The following LTBP1 variants were observed in gnomAD, a reference collection of about 807,000 sequenced individuals.
LTBP1 encodes the protein latent transforming growth factor beta binding protein 1.
Under a neutral mutation model 207.6 loss-of-function variants are expected in LTBP1, and 129 were observed. That is an observed-to-expected ratio of 0.62 (90% CI 0.54 to 0.72). The LOEUF (loss-of-function observed/expected upper bound fraction) is 0.72. Among genes scored for constraint, LTBP1 ranks in the 30% least tolerant of loss-of-function variants. The pLI is 0.00. For missense variants in LTBP1, 2,281 were observed against 2,217.2 expected (o/e 1.03, Z -0.58); for synonymous variants, 963 against 833.7 (o/e 1.16, Z -2.67).
At chr2:33,321,405 G>A (rs944753659) in intron 24 of LTBP1, among the ~76,000 whole-genome samples, 2 of 152,192 alleles carry the variant, frequency 1.3e-5, no homozygotes, top group Non-Finnish European at 2.9e-5. Context: ...CCGAGAGAAG[G>A]TGGATTCAAA....
At chr2:33,115,095 C>T (rs2080659952) in intron 4 of LTBP1, among the ~76,000 whole-genome samples, 1 of 125,942 alleles carries the variant, frequency 7.9e-6, no homozygotes, top group African/African-American at 3.0e-5. Flanking sequence ...TATATATACA[C>T]ACATATATGT....
At chr2:33,199,285 C>A (rs1004670653) in intron 7 of LTBP1, among the ~76,000 whole-genome samples, 3 of 152,202 alleles carry the variant, frequency 2.0e-5, no homozygotes, top group African/African-American at 7.2e-5. Flanking sequence ...CATTTCTGTT[C>A]TTTTACATTT....
chr2:32,990,609 CT>C (rs1301774702), intron 2 of LTBP1, among the ~76,000 whole-genome samples: 1 of 152,094 alleles, frequency 6.6e-6, no homozygotes, highest in East Asian at 1.9e-4. Flanking sequence ...AATTTGGATG[CT>C]TTTCATATAG....
intron 7 of LTBP1, among the ~76,000 whole-genome samples, chr2:33,198,108 A>T (rs557737650): frequency 6.6e-6 from 1 of 152,316 alleles, no homozygotes; most frequent in African/African-American, 2.4e-5. Context: ...CTTAGAAAAT[A>T]TTTTAAAAAC....
chr2:32,948,540 T>C (rs1676623448), intron 1 of LTBP1, among the ~76,000 whole-genome samples: 1 of 152,228 alleles, frequency 6.6e-6, no homozygotes, highest in South Asian at 2.1e-4. Context: ...TCATTTCCAA[T>C]TTAAAATGTT....
At chr2:33,149,478 G>A (rs190807701) in intron 5 of LTBP1, among the ~76,000 whole-genome samples, 1 of 152,248 alleles carries the variant, frequency 6.6e-6, no homozygotes, top group Non-Finnish European at 1.5e-5. Context: ...TGTCACAAAT[G>A]TCTTCCTTTG....
intron 11 of LTBP1, among the ~76,000 whole-genome samples, chr2:33,253,140 A>G (rs2092729532): frequency 6.6e-6 from 1 of 152,188 alleles, no homozygotes; most frequent in Non-Finnish European, 1.5e-5. Context: ...TTAAGTGTAG[A>G]GAGACCAGAA....
At chr2:33,177,166 C>T (rs985717652) in intron 5 of LTBP1, among the ~76,000 whole-genome samples, 2 of 152,152 alleles carry the variant, frequency 1.3e-5, no homozygotes, top group African/African-American at 4.8e-5. Flanking sequence ...GTATTCTCCC[C>T]ATGGTGAGAC....
intron 7 of LTBP1, among the ~76,000 whole-genome samples, chr2:33,217,122 A>G (rs2090772255): frequency 6.6e-6 from 1 of 152,204 alleles, no homozygotes; most frequent in African/African-American, 2.4e-5. Context: ...GACCTGTGCC[A>G]TCTTCTCACA....
At chr2:33,323,743 G>T (rs1300499162) in intron 24 of LTBP1, among the ~76,000 whole-genome samples, 1 of 152,242 alleles carries the variant, frequency 6.6e-6, no homozygotes, top group East Asian at 1.9e-4. Flanking sequence ...GGAAGGGACA[G>T]TCTGTAGCTC....
intron 20 of LTBP1, 109 bp downstream of exon 20, chr2:33,293,391 G>C (rs990492217): frequency 4.8e-6 from 5 of 1,051,608 alleles, no homozygotes; most frequent in African/African-American, 1.7e-5. Context: ...TATTTTGACC[G>C]AGCGACTTAG....
intron 26 of LTBP1, among the ~76,000 whole-genome samples, chr2:33,355,009 A>T (rs1264110033): frequency 1.3e-5 from 2 of 152,166 alleles, no homozygotes; most frequent in African/African-American, 4.8e-5. Context: ...GTTGCATTAG[A>T]AATGCATTTT....
At chr2:32,977,176 G>T (rs533556721) in intron 2 of LTBP1, among the ~76,000 whole-genome samples, 4 of 152,360 alleles carry the variant, frequency 2.6e-5, no homozygotes, top group African/African-American at 9.6e-5. Context: ...TTGGGGGTGG[G>T]TGGAGTGGCC....
At chr2:33,325,138 C>T (rs1266492177) in intron 24 of LTBP1, among the ~76,000 whole-genome samples, 4 of 152,128 alleles carry the variant, frequency 2.6e-5, no homozygotes, top group Admixed American at 6.6e-5. Context: ...CATTCACCCA[C>T]AAAGTAGTTC....
intron 4 of LTBP1, among the ~76,000 whole-genome samples, chr2:33,113,410 G>A (rs1246371579): frequency 6.6e-6 from 1 of 152,116 alleles, no homozygotes; most frequent in Non-Finnish European, 1.5e-5. Context: ...GAGGATGGAG[G>A]TGATGGATTT....
At chr2:33,315,309 AAG>A in intron 24 of LTBP1, 40 bp downstream of exon 24, 1 of 1,606,974 alleles carries the variant, frequency 6.2e-7, no homozygotes, top group Non-Finnish European at 8.5e-7. Context: ...TGTGTGATAA[AAG>A]AGAGAGGAGA....
chr2:32,967,036 A>G (rs1050919152), intron 2 of LTBP1, among the ~76,000 whole-genome samples: 1 of 151,970 alleles, frequency 6.6e-6, no homozygotes, highest in South Asian at 2.1e-4. Flanking sequence ...TATTGATTCA[A>G]TTTCTCGGTT....
chr2:32,964,705 T>C (rs1253224188), intron 2 of LTBP1, among the ~76,000 whole-genome samples: 1 of 152,036 alleles, frequency 6.6e-6, no homozygotes, highest in Non-Finnish European at 1.5e-5. Flanking sequence ...AAATACTAAG[T>C]AAATCAAAAA....
At chr2:33,159,764 T>C (rs2084295424) in intron 5 of LTBP1, among the ~76,000 whole-genome samples, 1 of 152,252 alleles carries the variant, frequency 6.6e-6, no homozygotes, top group African/African-American at 2.4e-5. Flanking sequence ...GAGTACCTTC[T>C]GTGTACTCAA....
Sources: gnomAD v4.1 joint callset for allele counts (sites outside exome capture counted in the v4.1 genomes callset) on GRCh38, gnomAD v4.1.1 for gene constraint, MANE v1.5 for transcripts, NCBI Gene and HGNC (gene_info 2026-07-23, HGNC 2026-07-21) for gene names.